Variants in SNX7 observed in about 807,000 individuals in gnomAD.
SNX7 encodes the protein sorting nexin-7.
SNX7 carries 35 observed loss-of-function variants against 48.4 expected under a neutral mutation model. The ratio of observed to expected loss-of-function variants is 0.72; its 90% CI spans 0.55 to 0.96. The LOEUF is 0.96. SNX7 is among the 40% of genes least tolerant of loss of function. The pLI is 0.00. For missense variants in SNX7, 553 were observed against 548.9 expected (o/e 1.01, Z -0.07); for synonymous variants, 190 against 190.2 (o/e 1.00, Z 0.01).
chr1:98,737,104 A>C (rs1653820349), intron 7 of SNX7, among the ~76,000 whole-genome samples: 1 of 151,358 alleles, frequency 6.6e-6, no homozygotes, highest in East Asian at 1.9e-4. Flanking sequence ...TTTTGTTGCA[A>C]CCATGCTGGT....
intron 8 of SNX7, among the ~76,000 whole-genome samples, chr1:98,758,364 CCTGA>C (rs1020674087): frequency 8.6e-5 from 13 of 151,936 alleles, no homozygotes; most frequent in African/African-American, 3.1e-4. Context: ...GTAGTAACTA[CCTGA>C]CCCTGACTCC....
intron 7 of SNX7, among the ~76,000 whole-genome samples, chr1:98,714,730 T>C (rs1652497177): frequency 6.6e-6 from 1 of 151,792 alleles, no homozygotes; most frequent in Non-Finnish European, 1.5e-5. Context: ...TTCCAGGAGG[T>C]TTGTTAGGTT....
chr1:98,756,273 C>T (rs557368835), intron 8 of SNX7, among the ~76,000 whole-genome samples: 1 of 151,528 alleles, frequency 6.6e-6, no homozygotes, highest in Admixed American at 6.6e-5. Flanking sequence ...TATTATAAGC[C>T]CTGCAAGATT....
At chr1:98,699,516 G>A (rs1256746147) in intron 6 of SNX7, among the ~76,000 whole-genome samples, 4 of 152,098 alleles carry the variant, frequency 2.6e-5, no homozygotes, top group Non-Finnish European at 5.9e-5. Context: ...TTTTCATCCA[G>A]TATTTTTCTG....
chr1:98,669,526 C>T (rs570647154), intron 1 of SNX7, among the ~76,000 whole-genome samples: 1 of 152,330 alleles, frequency 6.6e-6, no homozygotes, highest in East Asian at 1.9e-4. Flanking sequence ...CCTGGAGAGC[C>T]TCACTATTCA....
intron 1 of SNX7, among the ~76,000 whole-genome samples, chr1:98,680,394 C>T (rs1478781731): frequency 6.6e-6 from 1 of 152,160 alleles, no homozygotes; most frequent in Non-Finnish European, 1.5e-5. Context: ...CTCTGGCATG[C>T]CCTGGAGAGA....
chr1:98,709,165 A>G (rs1433204039), intron 7 of SNX7, among the ~76,000 whole-genome samples: 1 of 152,176 alleles, frequency 6.6e-6, no homozygotes, highest in African/African-American at 2.4e-5. Flanking sequence ...AGCATATTGA[A>G]ACCTTAGCCC....
intron 3 of SNX7, 66 bp downstream of exon 3, chr1:98,691,251 C>A: frequency 2.2e-6 from 2 of 897,914 alleles, no homozygotes; most frequent in Non-Finnish European, 3.4e-6. Context: ...TTTTTGAATG[C>A]CTAAAACCTA....
intron 6 of SNX7, among the ~76,000 whole-genome samples, chr1:98,699,359 G>T (rs1025911196): frequency 6.6e-6 from 1 of 152,086 alleles, no homozygotes; most frequent in Non-Finnish European, 1.5e-5. Context: ...GCTTTTAAAA[G>T]AAATCTTTCA....
intron 6 of SNX7, among the ~76,000 whole-genome samples, chr1:98,700,575 C>T (rs1651692618): frequency 6.6e-6 from 1 of 151,160 alleles, no homozygotes; most frequent in Non-Finnish European, 1.5e-5. Context: ...GACATGGTCT[C>T]ACTCTGTTGC....
chr1:98,682,030 A>G (rs1650517873), intron 1 of SNX7, among the ~76,000 whole-genome samples: 1 of 152,068 alleles, frequency 6.6e-6, no homozygotes, highest in African/African-American at 2.4e-5. Flanking sequence ...CAGATCTAAC[A>G]TAGGCATGCT....
chr1:98,662,419 A>G, intron 1 of SNX7: 1 of 256,968 alleles, frequency 3.9e-6, no homozygotes, highest in South Asian at 4.1e-5. Flanking sequence ...GTTCTAGGAA[A>G]TCTCCCTGAA....
At chr1:98,677,646 G>A (rs1282957214) in intron 1 of SNX7, among the ~76,000 whole-genome samples, 6 of 152,102 alleles carry the variant, frequency 3.9e-5, no homozygotes, top group African/African-American at 9.7e-5. Context: ...TTGGTAGGCC[G>A]AGGTGGGTGG....
chr1:98,682,110 T>A lies in SNX7; in HGVS notation c.181-2775T>A, dbSNP rs1022452137. Among the ~76,000 whole-genome samples, 6 of 81,988 alleles carry A rather than the reference T, an allele frequency of 7.3e-5. 1 individual carries two copies. In the South Asian group the frequency reaches 1.2e-3, roughly 16 times the overall value. 53.8% of individuals were successfully genotyped at this position (81,988 alleles called of 152,430 possible). The stretch of plus-strand genomic sequence containing the variant: ...TTTGTCCTTCTTTTACTTCCTTTTT[T>A]TAATTCCCTTTCTTCCTTGTTTTTC... On this transcript the variant is annotated intron_variant, in intron 1 of 8. Coordinates refer to ENST00000306121, the MANE Select transcript of SNX7 (RefSeq NM_015976.5).
chr1:98,759,602 C>T (rs1655017282), intron 8 of SNX7, among the ~76,000 whole-genome samples: 1 of 152,062 alleles, frequency 6.6e-6, no homozygotes, highest in Non-Finnish European at 1.5e-5. Flanking sequence ...CACAGTTGTG[C>T]TAGTGGTAAG....
chr1:98,686,026 C>T (rs1650775634), intron 2 of SNX7, among the ~76,000 whole-genome samples: 1 of 152,164 alleles, frequency 6.6e-6, no homozygotes, highest in Admixed American at 6.6e-5. Flanking sequence ...TCAGGTAGAG[C>T]TGCTTCTGTT....
At chr1:98,661,648 CAG>C, upstream of SNX7, 1 of 1,120,890 alleles carries the variant, frequency 8.9e-7, no homozygotes, top group Non-Finnish European at 1.1e-6. Flanking sequence ...CGGGGAGGTG[CAG>C]GAGACGTGGG....
chr1:98,691,180 A>G lies in SNX7; in HGVS notation c.469A>G (p.Ile157Val). The change falls in exon 3 of 9, where the codon ATT becomes GTT. Residue 157 changes from isoleucine (I) to valine (V), a missense_variant. Coordinates refer to ENST00000306121, the MANE Select transcript of SNX7 (RefSeq NM_015976.5). ...KLEEAHPTLI[I>V]PPLPEKFIVK... is the part of the protein sequence containing the mutation. ...GGAAGAAGCACACCCCACTCTGATT[A>G]TTCCAGTAAGTTTGCAAAATTTTTT... The G allele has an allele frequency of 6.3e-7, 1 of 1,594,258 alleles. No homozygotes were observed. The highest frequency in any genetic ancestry group is 1.1e-5 in the South Asian group (1 of 87,436).
At chr1:98,700,611 C>G (rs1651694922) in intron 6 of SNX7, among the ~76,000 whole-genome samples, 1 of 151,428 alleles carries the variant, frequency 6.6e-6, no homozygotes, top group South Asian at 2.1e-4. Context: ...GAGGCATAAT[C>G]ATAGCTCACT....
Sources: allele counts gnomAD v4.1 joint callset (sites outside exome capture counted in the v4.1 genomes callset), GRCh38; gene constraint gnomAD v4.1.1; transcripts MANE v1.5; gene names NCBI Gene and HGNC (gene_info 2026-07-23, HGNC 2026-07-21).